SGCZ: variants seen among roughly 807,000 people sequenced by gnomAD.
The protein encoded by SGCZ is sarcoglycan zeta.
In SGCZ, 40 loss-of-function variants were observed where a neutral mutation model predicts 41.3. The ratio of observed to expected loss-of-function variants is 0.97; its 90% CI spans 0.75 to 1.26. SGCZ has a LOEUF of 1.26. Among genes scored for constraint, SGCZ ranks in the 50% most tolerant of loss-of-function variants. The probability of loss-of-function intolerance (pLI) is 0.00; values close to 1 mark genes in which losing one functional copy is unlikely to be tolerated. For missense variants in SGCZ, 552 were observed against 369.8 expected (o/e 1.49, Z -4.04); for synonymous variants, 206 against 137.5 (o/e 1.50, Z -3.49).
intron 1 of SGCZ, among the ~76,000 whole-genome samples, chr8:14,831,280 C>G (rs1214760657): frequency 6.6e-6 from 1 of 152,148 alleles, no homozygotes; most frequent in East Asian, 1.9e-4. Flanking sequence ...AGAAGGTGTT[C>G]TTTGATATAG....
intron 4 of SGCZ, among the ~76,000 whole-genome samples, chr8:14,203,977 G>A (rs1563183777): frequency 6.6e-6 from 1 of 151,934 alleles, no homozygotes; most frequent in Non-Finnish European, 1.5e-5. Context: ...AAGGAGTTGG[G>A]GGAAAGAGCG....
chr8:14,583,016 A>G (rs528606446), intron 1 of SGCZ, among the ~76,000 whole-genome samples: 1 of 151,586 alleles, frequency 6.6e-6, no homozygotes, highest in Non-Finnish European at 1.5e-5. Flanking sequence ...TCCTTTGGGT[A>G]TATACCCAGT....
At chr8:14,964,319 G>A (rs1203433533) in intron 1 of SGCZ, among the ~76,000 whole-genome samples, 4 of 152,220 alleles carry the variant, frequency 2.6e-5, no homozygotes, top group Middle Eastern at 3.4e-3. Flanking sequence ...TAGAGCCTCC[G>A]CATACAAATT....
intron 1 of SGCZ, among the ~76,000 whole-genome samples, chr8:15,142,593 T>A (rs1037146055): frequency 6.6e-6 from 1 of 151,474 alleles, no homozygotes; most frequent in Admixed American, 6.6e-5. Flanking sequence ...CCAATTACCA[T>A]CCAGTCTTAT....
At chr8:15,190,367 TC>T (rs1243546280) in intron 1 of SGCZ, among the ~76,000 whole-genome samples, 1 of 151,980 alleles carries the variant, frequency 6.6e-6, no homozygotes, top group Non-Finnish European at 1.5e-5. Flanking sequence ...CATTCATTCA[TC>T]TATTATGTAT....
At chr8:14,247,140 G>A (rs924582114) in intron 3 of SGCZ, among the ~76,000 whole-genome samples, 1 of 152,034 alleles carries the variant, frequency 6.6e-6, no homozygotes, top group Non-Finnish European at 1.5e-5. Flanking sequence ...TCAACTTTAT[G>A]CATTTCTACT....
chr8:15,184,540 C>T (rs1420114690), intron 1 of SGCZ, among the ~76,000 whole-genome samples: 1 of 64,856 alleles, frequency 1.5e-5, no homozygotes, highest in African/African-American at 3.4e-5. Context: ...CACCAGGCCT[C>T]GGGAGACTGG....
At chr8:15,102,344 G>A (rs1806646877) in intron 1 of SGCZ, among the ~76,000 whole-genome samples, 1 of 152,306 alleles carries the variant, frequency 6.6e-6, no homozygotes, top group Non-Finnish European at 1.5e-5. Context: ...AAAAAGGTAA[G>A]TGGGTTGCTA....
At chr8:14,756,454 G>T (rs1417870672) in intron 1 of SGCZ, among the ~76,000 whole-genome samples, 1 of 152,078 alleles carries the variant, frequency 6.6e-6, no homozygotes, top group Non-Finnish European at 1.5e-5. Context: ...CAAAGTGGTG[G>T]GATTACAGGC....
chr8:14,728,379 G>T (rs1362982132), intron 1 of SGCZ, among the ~76,000 whole-genome samples: 1 of 138,308 alleles, frequency 7.2e-6, no homozygotes, highest in African/African-American at 2.7e-5. Flanking sequence ...AGAGTGGAAA[G>T]AAAAAAAAAA....
intron 1 of SGCZ, among the ~76,000 whole-genome samples, chr8:14,567,087 C>T (rs1412351526): frequency 6.6e-6 from 1 of 152,194 alleles, no homozygotes; most frequent in Admixed American, 6.5e-5. Flanking sequence ...TGGGGCAGGG[C>T]TCGGGACCTG....
intron 3 of SGCZ, among the ~76,000 whole-genome samples, chr8:14,240,811 G>A (rs538738386): frequency 2.0e-5 from 3 of 152,106 alleles, no homozygotes; most frequent in Admixed American, 6.5e-5. Flanking sequence ...TAGACCCATT[G>A]CTCATGCATT....
intron 1 of SGCZ, among the ~76,000 whole-genome samples, chr8:14,787,450 T>G (rs1800803835): frequency 1.3e-5 from 2 of 151,918 alleles, no homozygotes; most frequent in Non-Finnish European, 2.9e-5. Context: ...TAATTAGAAA[T>G]AGTAAAATAA....
chr8:15,162,340 TA>T (rs1358429627), intron 1 of SGCZ, among the ~76,000 whole-genome samples: 7 of 152,220 alleles, frequency 4.6e-5, no homozygotes, highest in Admixed American at 1.3e-4. Flanking sequence ...GTCCCACCTC[TA>T]ACCCAAAGGA....
chr8:14,347,004 C>G (rs1349835009), intron 2 of SGCZ, among the ~76,000 whole-genome samples: 3 of 151,914 alleles, frequency 2.0e-5, no homozygotes, highest in Non-Finnish European at 4.4e-5. Flanking sequence ...AAATGCTTAT[C>G]CTAACATTTA....
intron 3 of SGCZ, among the ~76,000 whole-genome samples, chr8:14,287,270 G>GA (rs1308742757): frequency 6.6e-6 from 1 of 151,424 alleles, no homozygotes; most frequent in Admixed American, 6.6e-5. Context: ...ATTAAACTAG[G>GA]AAAAAAGGCG....
chr8:14,211,328 C>T (rs543405322), intron 4 of SGCZ, among the ~76,000 whole-genome samples: 1 of 152,130 alleles, frequency 6.6e-6, no homozygotes, highest in East Asian at 1.9e-4. Context: ...CATGAAGCTT[C>T]TCTGCCTTCA....
At chr8:15,014,416 C>T (rs1004647231) in intron 1 of SGCZ, among the ~76,000 whole-genome samples, 1 of 152,266 alleles carries the variant, frequency 6.6e-6, no homozygotes, top group Non-Finnish European at 1.5e-5. Context: ...CTTCATTTTG[C>T]GTGTGTCTTT....
chr8:14,659,324 C>T (rs376702038), intron 1 of SGCZ, among the ~76,000 whole-genome samples: 59 of 152,170 alleles, frequency 3.9e-4, no homozygotes, highest in African/African-American at 1.1e-3. Context: ...AATGAATATA[C>T]GCATTGCAAC....
Sources: allele counts gnomAD v4.1 joint callset (sites outside exome capture counted in the v4.1 genomes callset), GRCh38; gene constraint gnomAD v4.1.1; transcripts MANE v1.5; gene names NCBI Gene and HGNC (gene_info 2026-07-23, HGNC 2026-07-21).